The following SLC10A7 variants were observed in gnomAD, a reference collection of about 807,000 sequenced individuals.
SLC10A7 encodes sodium/bile acid cotransporter 7.
SLC10A7 carries 29 observed loss-of-function variants against 43.2 expected under a neutral mutation model. The observed-to-expected ratio is 0.67, with a 90% confidence interval of 0.50 to 0.92. The LOEUF (loss-of-function observed/expected upper bound fraction) is 0.92, where lower values mean the gene tolerates loss of function less well. SLC10A7 is among the 40% of genes least tolerant of loss of function. The pLI, the probability that SLC10A7 is intolerant of heterozygous loss-of-function variation, is 0.00. For missense variants in SLC10A7, 295 were observed against 403.2 expected (o/e 0.73, Z 2.30); for synonymous variants, 152 against 144.8 (o/e 1.05, Z -0.35).
chr4:146,492,778 T>G (rs1384589873), intron 4 of SLC10A7, among the ~76,000 whole-genome samples: 1 of 152,212 alleles, frequency 6.6e-6, no homozygotes, highest in Non-Finnish European at 1.5e-5. Context: ...AAATAGATCA[T>G]ATTTCACCAA....
chr4:146,503,878 T>G lies in SLC10A7; in HGVS notation c.367A>C (p.Ile123Leu). 6.2e-7 allele frequency: 1 copy of G among 1,614,172 alleles called. No homozygotes were observed. The highest frequency in any genetic ancestry group is 8.5e-7 in the Non-Finnish European group (1 of 1,180,028). Residue 123 changes from isoleucine (I) to leucine (L), a missense_variant, in exon 4 of 12, where the codon ATT (isoleucine) becomes CTT (leucine). Physicochemically the swap from Ile to Leu is conservative, Grantham distance 5. Around this residue, in one of 2 missense-constraint regions of SLC10A7, gnomAD observed 242 missense variants for 362.5 expected, o/e 0.67. Transcript: ENST00000335472. ...CMPPPVSSAV[I>L]LTKAVGGNEA... The stretch of plus-strand genomic sequence containing the variant: ...TTTCCACCAACTGCCTTGGTTAAAA[T>G]CACTGCAGAAGACACAGGCGGAGGC...
At chr4:146,468,904 AT>A (rs1307403377) in intron 4 of SLC10A7, among the ~76,000 whole-genome samples, 3 of 152,084 alleles carry the variant, frequency 2.0e-5, no homozygotes, top group East Asian at 1.9e-4. Context: ...TAACAAATAC[AT>A]TTTTTTAAAC....
chr4:146,446,217 G>GAGT (rs1416178081), intron 4 of SLC10A7, among the ~76,000 whole-genome samples: 1 of 152,068 alleles, frequency 6.6e-6, no homozygotes, highest in Non-Finnish European at 1.5e-5. Flanking sequence ...CAGATGGACT[G>GAGT]AGTATCTCCA....
At chr4:146,348,101 A>G (rs1734752260) in intron 5 of SLC10A7, among the ~76,000 whole-genome samples, 1 of 152,234 alleles carries the variant, frequency 6.6e-6, no homozygotes, top group South Asian at 2.1e-4. Context: ...GGGGGTCACC[A>G]AGCTCTAACC....
chr4:146,317,376 C>T (rs1732399774), intron 6 of SLC10A7, among the ~76,000 whole-genome samples: 1 of 151,960 alleles, frequency 6.6e-6, no homozygotes, highest in South Asian at 2.1e-4. Context: ...AGATAAAGTC[C>T]CTGCTCTCTT....
At chr4:146,315,505 T>C (rs774362240) in intron 6 of SLC10A7, among the ~76,000 whole-genome samples, 2 of 152,112 alleles carry the variant, frequency 1.3e-5, no homozygotes, top group South Asian at 2.1e-4. Context: ...TTGAGAAACA[T>C]TGGAAGTTTC....
intron 4 of SLC10A7, among the ~76,000 whole-genome samples, chr4:146,477,631 G>C (rs774960744): frequency 3.3e-5 from 5 of 152,134 alleles, no homozygotes; most frequent in Admixed American, 6.6e-5. Flanking sequence ...CATTTCATTA[G>C]TAATACCAAT....
At chr4:146,396,394 T>C (rs1738825632) in intron 5 of SLC10A7, among the ~76,000 whole-genome samples, 3 of 152,094 alleles carry the variant, frequency 2.0e-5, no homozygotes, top group African/African-American at 7.2e-5. Context: ...TTAAATCAAA[T>C]AAATTATTTT....
chr4:146,515,444 TG>T (rs1737857977), intron 2 of SLC10A7, among the ~76,000 whole-genome samples: 1 of 152,220 alleles, frequency 6.6e-6, no homozygotes, highest in Non-Finnish European at 1.5e-5. Flanking sequence ...GTAGTAATTA[TG>T]GTCCTCTCAT....
intron 2 of SLC10A7, among the ~76,000 whole-genome samples, chr4:146,510,516 C>G (rs759129305): frequency 6.6e-6 from 1 of 152,116 alleles, no homozygotes; most frequent in Non-Finnish European, 1.5e-5. Flanking sequence ...CCCTCAGCTT[C>G]CCAAAGTGCT....
At chr4:146,327,445 C>A (rs901719548) in intron 5 of SLC10A7, among the ~76,000 whole-genome samples, 30 of 152,124 alleles carry the variant, frequency 2.0e-4, no homozygotes, top group African/African-American at 7.2e-4. Context: ...CTGATAACTT[C>A]GAAGGGCTAC....
intron 9 of SLC10A7, 27 bp from the exon 10 acceptor site, chr4:146,283,292 A>G (rs762017693): frequency 6.3e-7 from 1 of 1,597,106 alleles, no homozygotes. Context: ...ATTTTGACAA[A>G]TACTTTTATA....
intron 1 of SLC10A7, among the ~76,000 whole-genome samples, chr4:146,520,441 A>C (rs1287991245): frequency 3.3e-5 from 5 of 152,226 alleles, no homozygotes. Flanking sequence ...AGTTGAATAC[A>C]GAAGAACAAA....
chr4:146,404,511 T>C (rs1739443160), intron 5 of SLC10A7, among the ~76,000 whole-genome samples: 1 of 151,268 alleles, frequency 6.6e-6, no homozygotes, highest in South Asian at 2.1e-4. Context: ...TGTGTGTGTG[T>C]GTGTGACTGG....
intron 5 of SLC10A7, among the ~76,000 whole-genome samples, chr4:146,430,607 C>T (rs565934192): frequency 4.7e-4 from 72 of 152,146 alleles, no homozygotes; most frequent in African/African-American, 1.6e-3. Context: ...ACTATAAACA[C>T]GGTGAACATT....
chr4:146,403,056 T>G (rs1344340833), intron 5 of SLC10A7, among the ~76,000 whole-genome samples: 1 of 152,198 alleles, frequency 6.6e-6, no homozygotes, highest in Admixed American at 6.5e-5. Context: ...AGTTGGTATA[T>G]ATAAAGTGCT....
intron 5 of SLC10A7, among the ~76,000 whole-genome samples, chr4:146,438,155 T>A (rs968109588): frequency 6.6e-6 from 1 of 151,892 alleles, no homozygotes; most frequent in African/African-American, 2.4e-5. Context: ...CAAAGCAGGG[T>A]AGTAACCGAG....
chr4:146,352,241 C>T (rs1468722053), intron 5 of SLC10A7, among the ~76,000 whole-genome samples: 1 of 97,028 alleles, frequency 1.0e-5, no homozygotes, highest in African/African-American at 5.0e-5. Context: ...CAATCCTAGT[C>T]TCTGATAAAA....
chr4:146,407,217 C>T (rs1727780821), intron 5 of SLC10A7, among the ~76,000 whole-genome samples: 1 of 152,128 alleles, frequency 6.6e-6, no homozygotes, highest in South Asian at 2.1e-4. Context: ...AATATTTAAG[C>T]AGTTTTATTG....
Sources: gnomAD v4.1 joint callset for allele counts (sites outside exome capture counted in the v4.1 genomes callset) on GRCh38, gnomAD v4.1.1 for gene constraint, gnomAD v4.1.1 regional missense constraint, MANE v1.5 for transcripts, NCBI Gene and HGNC (gene_info 2026-07-23, HGNC 2026-07-21) for gene names.